Variants in SMOC2 observed in about 807,000 individuals in gnomAD.
The protein encoded by SMOC2 is SPARC-related modular calcium-binding protein 2.
A neutral mutation model predicts 61.4 loss-of-function variants in SMOC2; 39 were observed. The observed-to-expected ratio is 0.64, with a 90% CI of 0.49 to 0.83. SMOC2 has a LOEUF of 0.83. Ranked by LOEUF, SMOC2 falls within the 40% of genes least tolerant of loss-of-function variation. The probability of loss-of-function intolerance (pLI) is 0.00; values close to 1 mark genes in which losing one functional copy is unlikely to be tolerated. For missense variants in SMOC2, 556 were observed against 592.9 expected, an observed-to-expected ratio of 0.94 and a Z score of 0.65; for synonymous variants, 247 against 239.9, an observed-to-expected ratio of 1.03 and a Z score of -0.27.
At chr6:168,488,976 G>A (rs372349986) in intron 1 of SMOC2, among the ~76,000 whole-genome samples, 45 of 142,306 alleles carry the variant, frequency 3.2e-4, no homozygotes, top group African/African-American at 6.0e-4. Context: ...ATATCGAATC[G>A]TCTGGGTCCT....
chr6:168,628,914 G>A (rs565935669), intron 9 of SMOC2, among the ~76,000 whole-genome samples: 31 of 152,360 alleles, frequency 2.0e-4, no homozygotes, highest in African/African-American at 5.5e-4. Flanking sequence ...TCACGGAGGC[G>A]TGGGTGGAGG....
intron 4 of SMOC2, among the ~76,000 whole-genome samples, chr6:168,531,463 A>G (rs1490716058): frequency 6.6e-6 from 1 of 152,206 alleles, no homozygotes; most frequent in Admixed American, 6.5e-5. Context: ...ATGTTTACAG[A>G]GGGAATGGGA....
At chr6:168,444,207 C>G (rs1351438961) in intron 1 of SMOC2, among the ~76,000 whole-genome samples, 1 of 152,152 alleles carries the variant, frequency 6.6e-6, no homozygotes, top group Non-Finnish European at 1.5e-5. Flanking sequence ...CTCTATAGAC[C>G]AAGGAGGAAA....
intron 1 of SMOC2, among the ~76,000 whole-genome samples, chr6:168,493,843 T>C (rs1236346225): frequency 6.6e-6 from 1 of 152,236 alleles, no homozygotes; most frequent in African/African-American, 2.4e-5. Flanking sequence ...ATCAGACATA[T>C]TAGTTTTTAA....
chr6:168,614,672 C>T (rs879293909), intron 9 of SMOC2, among the ~76,000 whole-genome samples: 3,359 of 29,748 alleles, frequency 0.11, no homozygotes, highest in Non-Finnish European at 0.13. Context: ...CCTCTTCACA[C>T]CTACAGCCAG....
chr6:168,614,320 C>A (rs1207563773), intron 9 of SMOC2, among the ~76,000 whole-genome samples: 1 of 71,650 alleles, frequency 1.4e-5, no homozygotes, highest in Admixed American at 1.6e-4. Context: ...CAGCACAGGG[C>A]CTCTTCATAC....
At chr6:168,489,249 T>G in intron 1 of SMOC2, among the ~76,000 whole-genome samples, 1 of 136,126 alleles carries the variant, frequency 7.3e-6, no homozygotes, top group Non-Finnish European at 1.6e-5. Context: ...AGTTTTAGAG[T>G]GAAATATATC....
At chr6:168,518,182 C>T (rs1442031206) in intron 2 of SMOC2, among the ~76,000 whole-genome samples, 3 of 152,216 alleles carry the variant, frequency 2.0e-5, no homozygotes, top group Non-Finnish European at 4.4e-5. Flanking sequence ...GCACAAGCGC[C>T]CGGGGCCGGA....
At position 168,475,741 on chromosome 6, in the gene SMOC2, A is replaced by T. The variant is rs904511123; in HGVS notation, c.85-34174A>T. ...GGACACTGCTCGGCGTTAGAAGAAG[A>T]AGTAGTGAAGGGCAGTATTGGTGGA... On this transcript the variant is annotated intron_variant, in intron 1 of 12. Coordinates refer to ENST00000356284, the MANE Select transcript of SMOC2 (RefSeq NM_001166412.2). This position sits in a 1 kb window ranked among gnomAD's most constrained non-coding sequence, Gnocchi z 4.6. Among the ~76,000 whole-genome samples the T allele has an allele frequency of 6.6e-5, 10 of 152,186 alleles. No individual in the cohort carries two copies. The highest frequency in any genetic ancestry group is 2.1e-4 in the South Asian group (1 of 4,822).
intron 9 of SMOC2, among the ~76,000 whole-genome samples, chr6:168,629,894 T>C (rs1786522663): frequency 6.6e-6 from 1 of 152,242 alleles, no homozygotes; most frequent in African/African-American, 2.4e-5. Context: ...TTTTGCCATC[T>C]TACTTACATT....
chr6:168,650,858 T>C (rs975105832), intron 10 of SMOC2, 75 bp downstream of exon 10: 2 of 1,342,430 alleles, frequency 1.5e-6, no homozygotes, highest in Non-Finnish European at 2.1e-6. Flanking sequence ...GTCTGAACAT[T>C]ACATATTGGC....
intron 7 of SMOC2, among the ~76,000 whole-genome samples, chr6:168,590,790 G>T (rs905481609): frequency 1.2e-4 from 18 of 152,032 alleles, no homozygotes; most frequent in African/African-American, 4.3e-4. Context: ...TCTGGCAGCT[G>T]CTTATTATCA....
At chr6:168,533,277 T>C (rs1783655823) in intron 4 of SMOC2, among the ~76,000 whole-genome samples, 1 of 152,214 alleles carries the variant, frequency 6.6e-6, no homozygotes, top group Admixed American at 6.5e-5. Context: ...ATGGATGATC[T>C]TGGAGTCGCA....
intron 9 of SMOC2, among the ~76,000 whole-genome samples, chr6:168,616,011 G>T (rs1321693065): frequency 1.3e-5 from 2 of 152,162 alleles, no homozygotes; most frequent in Non-Finnish European, 2.9e-5. Context: ...TTCCTGCCAG[G>T]TATCATGTGA....
chr6:168,560,392 G>T lies in SMOC2; in HGVS notation c.637+11189G>T, dbSNP rs146275551. 4.5e-3 allele frequency among the ~76,000 whole-genome samples: 688 copies of T among 152,358 alleles called. 2 individuals are homozygous for T. The highest frequency in any genetic ancestry group is 0.017 in the South Asian group (82 of 4,818). ...CAAAACACAGAACATTTAAGTGATG[G>T]AAGAGTCATGGTTACTGACAAACAG... On this transcript the variant is annotated intron_variant, in intron 7 of 12. Transcript: ENST00000356284.
chr6:168,612,231 T>C (rs35484264), intron 9 of SMOC2, among the ~76,000 whole-genome samples: 26,317 of 104,976 alleles, frequency 0.25, 2,833 homozygotes, highest in East Asian at 0.28. Flanking sequence ...AGAGGGTGAC[T>C]GCAGCCTTTA....
chr6:168,568,076 G>A (rs1784583691), intron 7 of SMOC2, among the ~76,000 whole-genome samples: 1 of 150,664 alleles, frequency 6.6e-6, no homozygotes, highest in African/African-American at 2.5e-5. Context: ...GTGTGAGTCG[G>A]TGTCTCATAT....
At position 168,535,780 on chromosome 6, in the gene SMOC2, G is replaced by A. The variant is rs1181117190; in HGVS notation, c.464-7845G>A. Among the ~76,000 whole-genome samples, 2 of 152,200 alleles carry A rather than the reference G, an allele frequency of 1.3e-5. No individual in the cohort carries two copies. The highest frequency in any genetic ancestry group is 6.5e-5 in the Admixed American group (1 of 15,278). ...ATGTCAGGAGAGAGGCAGCGCCGCC[G>A]GGGGAAGATGGGAGGGAGACCAATG... On this transcript the variant is annotated intron_variant, in intron 4 of 12. Coordinates refer to ENST00000356284, the MANE Select transcript of SMOC2 (RefSeq NM_001166412.2). The surrounding 1 kb of genome is among the most constrained non-coding windows in gnomAD (Gnocchi z 4.6).
At chr6:168,609,084 C>A (rs140090826) in intron 9 of SMOC2, among the ~76,000 whole-genome samples, 9 of 152,284 alleles carry the variant, frequency 5.9e-5, no homozygotes, top group African/African-American at 2.2e-4. Flanking sequence ...AGCAGAATGT[C>A]CACAGTCTAT....
Sources: allele counts gnomAD v4.1 joint callset (sites outside exome capture counted in the v4.1 genomes callset), GRCh38; gene constraint gnomAD v4.1.1; non-coding constraint Gnocchi (gnomAD v3.1); transcripts MANE v1.5; gene names NCBI Gene and HGNC (gene_info 2026-07-23, HGNC 2026-07-21).